The following FBXO34 variants were observed in gnomAD, a reference collection of about 807,000 sequenced individuals.
FBXO34 encodes the protein F-box protein 34.
A neutral mutation model predicts 24.5 loss-of-function variants in FBXO34; 12 were observed. That is an observed-to-expected ratio of 0.49 (90% CI 0.31 to 0.79). FBXO34 has a LOEUF of 0.79. Among genes scored for constraint, FBXO34 ranks in the 30% least tolerant of loss-of-function variants. The pLI, the probability that FBXO34 is intolerant of heterozygous loss-of-function variation, is 0.04. For synonymous variants in FBXO34, 320 were observed against 311.9 expected, an observed-to-expected ratio of 1.03 and a Z score of -0.27; for missense variants, 823 against 857.7, an observed-to-expected ratio of 0.96 and a Z score of 0.51.
At chr14:55,385,899 A>G in the FBXO34 span, 17 of 1,613,244 alleles carry the variant, frequency 1.1e-5, no homozygotes, top group Non-Finnish European at 1.4e-5. Context: ...AAAATGACAG[A>G]GGTGAGCTCT....
At chr14:55,309,726 A>G (rs1882672273) in intron 1 of FBXO34, among the ~76,000 whole-genome samples, 1 of 152,198 alleles carries the variant, frequency 6.6e-6, no homozygotes, top group African/African-American at 2.4e-5. Flanking sequence ...TAATTTACAT[A>G]CTAACTGGTT....
chr14:55,425,710 T>G, the FBXO34 span, among the ~76,000 whole-genome samples: 1 of 152,138 alleles, frequency 6.6e-6, no homozygotes, highest in South Asian at 2.1e-4. Context: ...CCCAAGAAAA[T>G]CTTCCTTGAT....
chr14:55,440,325 A>G, the FBXO34 span: 1 of 1,572,302 alleles, frequency 6.4e-7, no homozygotes, highest in African/African-American at 1.4e-5. Context: ...AAGAGGAACG[A>G]AGGCAAAGCC....
chr14:55,395,336 T>A, the FBXO34 span: 1 of 228,714 alleles, frequency 4.4e-6, no homozygotes, highest in Non-Finnish European at 8.8e-6. Flanking sequence ...TCTCCCAAAC[T>A]CTTTAATTGT....
intron 1 of FBXO34, among the ~76,000 whole-genome samples, chr14:55,294,668 AT>A (rs1882060251): frequency 6.6e-6 from 1 of 152,248 alleles, no homozygotes; most frequent in Non-Finnish European, 1.5e-5. Flanking sequence ...TTAAAAAGTA[AT>A]TTTAAAATTT....
the FBXO34 span, chr14:55,428,850 T>C: frequency 6.2e-7 from 1 of 1,614,194 alleles, no homozygotes; most frequent in South Asian, 1.1e-5. Flanking sequence ...TCCAGCCTGA[T>C]GGGAAATCTC....
intron 1 of FBXO34, among the ~76,000 whole-genome samples, chr14:55,281,528 C>T (rs990786311): frequency 2.0e-5 from 3 of 152,194 alleles, no homozygotes; most frequent in Non-Finnish European, 4.4e-5. Context: ...TAGGTTTAGA[C>T]GTCATAAGAT....
At chr14:55,388,104 T>C in the FBXO34 span, among the ~76,000 whole-genome samples, 1 of 152,094 alleles carries the variant, frequency 6.6e-6, no homozygotes, top group Admixed American at 6.5e-5. Context: ...GCCACTGCAC[T>C]CCAGCCTGGG....
chr14:55,416,222 A>G, the FBXO34 span, among the ~76,000 whole-genome samples: 1 of 152,246 alleles, frequency 6.6e-6, no homozygotes, highest in South Asian at 2.1e-4. Context: ...TGTTCACTTT[A>G]AAATGGTTAA....
chr14:55,413,362 A>G, the FBXO34 span, among the ~76,000 whole-genome samples: 3 of 152,224 alleles, frequency 2.0e-5, no homozygotes, highest in African/African-American at 7.2e-5. Flanking sequence ...TATCTAGCTT[A>G]TGCAGTTATT....
At chr14:55,334,956 TG>T (rs1310314875) in intron 1 of FBXO34, among the ~76,000 whole-genome samples, 1 of 152,056 alleles carries the variant, frequency 6.6e-6, no homozygotes, top group East Asian at 1.9e-4. Flanking sequence ...GGAGGTATAG[TG>T]GGATTTGGGG....
At chr14:55,341,065 C>A (rs74359225) in intron 1 of FBXO34, among the ~76,000 whole-genome samples, 2,895 of 152,164 alleles carry the variant, frequency 0.019, 89 homozygotes, top group African/African-American at 0.062. Flanking sequence ...AGGACCATCG[C>A]GATAAGTATA....
Position 55,350,550 on chromosome 14 carries a change from GGTAAAGCATCATCT to G in FBXO34, c.161_174del (p.Gly54AlafsTer28). On this transcript the variant is annotated frameshift_variant, in exon 2 of 2. Transcript: ENST00000313833. LOFTEE classifies it low-confidence loss of function (END_TRUNC). ...AAGTGTCTTTCCTTCAGCCTCTCTC[GGTAAAGCATCATCT>G]CGAAAGCCATTTGGGATCCTTTCTC... 6.2e-7 allele frequency: 1 copy of G among 1,613,136 alleles called. No individual in the cohort carries two copies.
At chr14:55,363,668 C>T (rs149675199), downstream of FBXO34, among the ~76,000 whole-genome samples, 3 of 152,250 alleles carry the variant, frequency 2.0e-5, no homozygotes, top group East Asian at 5.8e-4. Flanking sequence ...ACCGGTGGCC[C>T]ATGAGCTGCA....
chr14:55,298,565 A>G (rs1372556985), intron 1 of FBXO34: 10 of 699,240 alleles, frequency 1.4e-5, no homozygotes, highest in Middle Eastern at 4.0e-4. Context: ...GAAAAAAGCA[A>G]ATTTGGCAGG....
At chr14:55,431,315 G>T in the FBXO34 span, among the ~76,000 whole-genome samples, 17 of 152,294 alleles carry the variant, frequency 1.1e-4, no homozygotes, top group East Asian at 7.7e-4. Context: ...AATAAATTCA[G>T]ATAAGAAAAG....
chr14:55,361,752 A>G (rs944728281), exon 4 of FBXO34: 75 of 152,334 alleles, frequency 4.9e-4, no homozygotes, highest in African/African-American at 1.8e-3. Flanking sequence ...CTTACACCTC[A>G]TGAGCCAACC....
downstream of FBXO34, among the ~76,000 whole-genome samples, chr14:55,363,742 A>AGATTTTTTGC (rs1278384840): frequency 6.6e-6 from 1 of 152,152 alleles, no homozygotes; most frequent in African/African-American, 2.4e-5. Flanking sequence ...GAACATCATG[A>AGATTTTTTGC]GATTTTTTGC....
chr14:55,402,393 C>A, the FBXO34 span, among the ~76,000 whole-genome samples: 1 of 152,058 alleles, frequency 6.6e-6, no homozygotes, highest in African/African-American at 2.4e-5. Context: ...AAATATTCGA[C>A]CTTTTGATTC....
Sources: allele counts gnomAD v4.1 joint callset (sites outside exome capture counted in the v4.1 genomes callset), GRCh38; gene constraint gnomAD v4.1.1; transcripts MANE v1.5; gene names NCBI Gene and HGNC (gene_info 2026-07-23, HGNC 2026-07-21).